TPPP2: variants seen among roughly 807,000 people sequenced by gnomAD.
TPPP2 encodes tubulin polymerization promoting protein family member 2.
A neutral mutation model predicts 13.0 loss-of-function variants in TPPP2; 8 were observed. The ratio of observed to expected loss-of-function variants is 0.62; its 90% confidence interval spans 0.36 to 1.11. The LOEUF is 1.11. TPPP2 is among the 50% of genes most tolerant of loss of function. TPPP2 has a pLI of 0.02. For missense variants in TPPP2, 213 were observed against 216.9 expected (o/e 0.98, Z 0.11); for synonymous variants, 81 against 81.8 (o/e 0.99, Z 0.05).
chr14:21,024,581 G>A lies in TPPP2; in HGVS notation n.236+237G>A, dbSNP rs1882729148. The A allele has an allele frequency of 4.1e-6, 4 of 985,346 alleles. No homozygotes were observed. In the South Asian group the frequency reaches 1.4e-4, roughly 35 times the overall value. The allele number at this position is 985,346 out of a possible 1,614,324, so 61.0% of individuals were successfully genotyped here. On this transcript the variant is annotated intron_variant and non_coding_transcript_variant, in intron 1 of 1. Coordinates refer to the TPPP2 transcript ENST00000533755. ...AACAAACACAAAGATTGGTGCCGTC[G>A]CTTCTCTCCTCTACTCAGTCTCCGT...
At chr14:21,026,696 A>G (rs1437480021), upstream of TPPP2, among the ~76,000 whole-genome samples, 56 of 151,774 alleles carry the variant, frequency 3.7e-4, no homozygotes, top group Non-Finnish European at 1.0e-4. Flanking sequence ...CTCCCCCTAC[A>G]TCCCCCAATT....
chr14:21,034,136 A>G, downstream of TPPP2: 2 of 1,614,200 alleles, frequency 1.2e-6, no homozygotes, highest in South Asian at 1.1e-5. Flanking sequence ...GACCATTACA[A>G]TAGCCCCGGA....
Position 21,025,195 on chromosome 14 carries a change from C to G in TPPP2, n.236+851C>G, listed in dbSNP as rs1039042221. 6 of 878,586 alleles carry G rather than the reference C, an allele frequency of 6.8e-6. No homozygotes were observed. The highest frequency in any genetic ancestry group is 8.2e-6 in the Non-Finnish European group (6 of 732,408). 54.4% of individuals were successfully genotyped at this position (878,586 alleles called of 1,614,324 possible). On this transcript the variant is annotated intron_variant and non_coding_transcript_variant, in intron 1 of 1. Coordinates refer to the TPPP2 transcript ENST00000533755. This position sits in a 1 kb window ranked among gnomAD's most constrained non-coding sequence, Gnocchi z 5.1. ...AGTAAACACGCCCCCCCTTTCACCCCGCCCAGACTGCCGCTCAGGAAAGGG... is the reference window on the plus strand; with the variant it reads ...AGTAAACACGCCCCCCCTTTCACCCGGCCCAGACTGCCGCTCAGGAAAGGG...
Position 21,030,550 on chromosome 14 carries a change from C to T in TPPP2, c.-32C>T. ...CTTCTCCTTCACCCCCAAGTGTCTCCCACGACTGCCCTCCCCGACCTCTAG... is the reference window on the plus strand; with the variant it reads ...CTTCTCCTTCACCCCCAAGTGTCTCTCACGACTGCCCTCCCCGACCTCTAG... On this transcript the variant is annotated 5_prime_UTR_variant, in exon 2 of 4. Coordinates refer to ENST00000321760, the MANE Select transcript of TPPP2 (RefSeq NM_173846.5). 1 of 1,605,798 alleles carries T rather than the reference C, an allele frequency of 6.2e-7. No individual in the cohort carries two copies. Among genetic ancestry groups the T allele is most frequent in the Non-Finnish European group, 8.5e-7 (1 of 1,175,830 alleles).
intron 2 of TPPP2, 118 bp downstream of exon 2, chr14:21,030,872 G>A: frequency 6.6e-7 from 1 of 1,504,586 alleles, no homozygotes; most frequent in Non-Finnish European, 9.0e-7. Context: ...AGGGTACCTG[G>A]CGCTGTGCTA....
chr14:21,024,645 C>T, intron 1 of TPPP2: 1 of 985,468 alleles, frequency 1.0e-6, no homozygotes, highest in East Asian at 1.1e-4. Flanking sequence ...GGAGAGCGGT[C>T]CCACAATCTT....
At chr14:21,027,672 G>T (rs142008534), upstream of TPPP2, among the ~76,000 whole-genome samples, 1 of 152,182 alleles carries the variant, frequency 6.6e-6, no homozygotes, top group African/African-American at 2.4e-5. Context: ...CACATGCAAG[G>T]CATATTATTT....
rs1474498415 is a variant in TPPP2 at position 21,032,106 on chromosome 14, C to T, written c.*29C>T. ...GGAGCTTCATCTCAGCCTGCTAGCC[C>T]CCTGACCCTGCATGTTTAACACCAG... On this transcript the variant is annotated 3_prime_UTR_variant, in exon 4 of 4. Transcript: ENST00000321760. 1.2e-6 allele frequency: 2 copies of T among 1,602,908 alleles called. No homozygotes were observed. Among genetic ancestry groups the T allele is most frequent in the African/African-American group, 1.3e-5 (1 of 74,650 alleles).
Position 21,030,651 on chromosome 14 carries a change from GA to G in TPPP2, c.73del (p.Met25Ter), listed in dbSNP as rs975443804. ...TGGAGAATCATCAAGCAGTGGCACT[GA>G]AATGAACAACAAGAACTTCTCCAAG... Reference protein sequence around the residue: ...AFGESSSSGTEMNNKNFSKLC... With the variant: ...AFGESSSSGTXMNNKNFSKLC... On this transcript the variant is annotated frameshift_variant, in exon 2 of 4. Coordinates refer to ENST00000321760, the MANE Select transcript of TPPP2 (RefSeq NM_173846.5). LOFTEE classifies it high-confidence loss of function. The G allele has an allele frequency of 1.9e-6, 3 of 1,613,960 alleles. No homozygotes were observed. In the African/African-American group the frequency reaches 4.0e-5, roughly 22 times the overall value.
At chr14:21,025,698 C>T, upstream of TPPP2, 1 of 985,282 alleles carries the variant, frequency 1.0e-6, no homozygotes, top group Non-Finnish European at 1.2e-6. This position sits in a 1 kb window ranked among gnomAD's most constrained non-coding sequence, Gnocchi z 5.1. Context: ...TTGCTGCGTC[C>T]CGACGCCTGC....
chr14:21,033,631 G>C, downstream of TPPP2: 1 of 607,322 alleles, frequency 1.6e-6, no homozygotes. Flanking sequence ...AAGCTGGAAA[G>C]AACCTAGAAG....
upstream of TPPP2, among the ~76,000 whole-genome samples, chr14:21,026,743 C>T (rs1296051328): frequency 6.6e-6 from 1 of 152,112 alleles, no homozygotes; most frequent in East Asian, 1.9e-4. Flanking sequence ...CTTTCTCCCA[C>T]TCCCTTTATA....
chr14:21,031,162 T>C lies in TPPP2; in HGVS notation c.324T>C (p.Ala108=), dbSNP rs772071021. ...GCAAAGACCCAGCCACCACTGGCGCTACTGTGAGTGACAGCCTTCATCCCC... is the reference window on the plus strand; with the variant it reads ...GCAAAGACCCAGCCACCACTGGCGCCACTGTGAGTGACAGCCTTCATCCCC... ...MEGKDPATTG[A]TKATTVGAVD... The change falls in exon 3 of 4, where the codon GCT becomes GCC. Residue 108 remains alanine, a synonymous_variant. Transcript: ENST00000321760. The C allele has an allele frequency of 2.5e-6, 4 of 1,613,474 alleles. No homozygotes were observed. Among genetic ancestry groups the C allele is most frequent in the African/African-American group, 1.3e-5 (1 of 75,016 alleles).
At chr14:21,026,297 C>T (rs1303423301), upstream of TPPP2, among the ~76,000 whole-genome samples, 1 of 151,984 alleles carries the variant, frequency 6.6e-6, no homozygotes, top group African/African-American at 2.4e-5. Flanking sequence ...TTTCTCCCCA[C>T]CTGCCCCCCT....
rs1300723560 is a variant in TPPP2, at chr14:21,032,683, C to T, written c.*606C>T. On this transcript the variant is annotated 3_prime_UTR_variant, in exon 4 of 4. Transcript: ENST00000321760. ...ACCCCACATCACCTCCATCATGGGGCACATGGGACAGAAGAGCTTACTGAC... is the reference window on the plus strand; with the variant it reads ...ACCCCACATCACCTCCATCATGGGGTACATGGGACAGAAGAGCTTACTGAC... 2.9e-6 allele frequency: 1 copy of T among 347,412 alleles called. No individual in the cohort carries two copies. Among genetic ancestry groups the T allele is most frequent in the Non-Finnish European group, 5.6e-6 (1 of 179,360 alleles). The allele number at this position is 347,412 out of a possible 1,614,324, so 21.5% of individuals were successfully genotyped here. A position where few individuals can be genotyped will look rare whatever the true frequency, so the allele number is the denominator to read the frequency against.
Position 21,030,952 on chromosome 14 carries a change from G to T in TPPP2, c.174-60G>T, listed in dbSNP as rs201159300. Reference sequence around the variant, plus strand: ...CCAAATCTGAGTGAGGCAAGAGTTGGACCTTGGAAGGTAATGCATTCATGC... The same window carrying T: ...CCAAATCTGAGTGAGGCAAGAGTTGTACCTTGGAAGGTAATGCATTCATGC... On this transcript the variant is annotated intron_variant, in intron 2 of 3. Transcript: ENST00000321760. The T allele has an allele frequency of 1.2e-3, 1,840 of 1,558,578 alleles. 1 individual carries two copies. The highest frequency in any genetic ancestry group is 1.5e-3 in the Non-Finnish European group (1,745 of 1,153,472).
chr14:21,027,549 C>T (rs916905926), upstream of TPPP2, among the ~76,000 whole-genome samples: 2 of 152,166 alleles, frequency 1.3e-5, no homozygotes, highest in Non-Finnish European at 2.9e-5. Context: ...TTAGAGATTT[C>T]CAACCCCACA....
rs143975728 is a variant in TPPP2 at position 21,031,022 on chromosome 14, G to T, written c.184G>T (p.Ala62Ser). Residue 62 changes from alanine to serine, a missense_variant, in exon 3 of 4, where the codon GCC becomes TCC. Physicochemically the swap from Ala to Ser is moderately conservative, Grantham distance 99 (BLOSUM62 1). Coordinates refer to ENST00000321760, the MANE Select transcript of TPPP2 (RefSeq NM_173846.5). ...IVFSKVKAKNARTITFQQFKE... is the reference protein window; with the variant it reads ...IVFSKVKAKNSRTITFQQFKE... ...TGTCTAACTGACCAGGGCCAAGAAC[G>T]CCCGAACCATCACGTTTCAACAGTT... 1.9e-6 allele frequency: 3 copies of T among 1,609,076 alleles called. No homozygotes were observed. In the South Asian group the frequency reaches 3.3e-5, roughly 18 times the overall value.
downstream of TPPP2, chr14:21,034,588 A>C: frequency 3.0e-6 from 1 of 333,448 alleles, no homozygotes; most frequent in Non-Finnish European, 5.5e-6. Flanking sequence ...GACTCTTCCC[A>C]AGAGTCCTTG....
Sources: allele counts gnomAD v4.1 joint callset (sites outside exome capture counted in the v4.1 genomes callset), GRCh38; gene constraint gnomAD v4.1.1; non-coding constraint Gnocchi (gnomAD v3.1); transcripts MANE v1.5; gene names NCBI Gene and HGNC (gene_info 2026-07-23, HGNC 2026-07-21).